The following PIK3C2B variants were observed in gnomAD, a reference collection of about 807,000 sequenced individuals.
PIK3C2B encodes the protein phosphatidylinositol 4-phosphate 3-kinase C2 domain-containing subunit beta.
PIK3C2B carries 83 observed loss-of-function variants against 184.3 expected under a neutral mutation model. The ratio of observed to expected loss-of-function variants is 0.45; its 90% confidence interval spans 0.38 to 0.54. The LOEUF is 0.54. PIK3C2B is among the 20% of genes least tolerant of loss of function. The probability of loss-of-function intolerance (pLI) is 0.00; values close to 1 mark genes in which losing one functional copy is unlikely to be tolerated. For synonymous variants in PIK3C2B, 779 were observed against 837.6 expected, an observed-to-expected ratio of 0.93 and a Z score of 1.21; for missense variants, 1,736 against 2,113.5, an observed-to-expected ratio of 0.82 and a Z score of 3.50.
At position 204,489,317 on chromosome 1, in the gene PIK3C2B, G is replaced by C. The variant is rs570598859; in HGVS notation, c.-85+5039C>G. Among the ~76,000 whole-genome samples, 9 of 152,000 alleles carry C rather than the reference G, an allele frequency of 5.9e-5. No homozygotes were observed. The South Asian group carries it at 1.9e-3, about 32-fold the overall frequency. On this transcript the variant is annotated intron_variant, in intron 1 of 32. Coordinates refer to ENST00000684373, the MANE Select transcript of PIK3C2B (RefSeq NM_001377334.1). Reference sequence around the variant, plus strand: ...TGAGTAGCTGAGACCACAAGTGTGCGCCATCACACCCTAATTGTTTTTATT... The same window carrying C: ...TGAGTAGCTGAGACCACAAGTGTGCCCCATCACACCCTAATTGTTTTTATT...
At chr1:204,448,962 C>T (rs180989148) in intron 14 of PIK3C2B, among the ~76,000 whole-genome samples, 65 of 152,296 alleles carry the variant, frequency 4.3e-4, no homozygotes, top group Non-Finnish European at 4.4e-4. Context: ...TCAGGCTCCA[C>T]GAAATCAATT....
At chr1:204,462,490 A>G (rs979969358) in intron 5 of PIK3C2B, among the ~76,000 whole-genome samples, 2 of 152,244 alleles carry the variant, frequency 1.3e-5, no homozygotes, top group Non-Finnish European at 2.9e-5. Flanking sequence ...TAATGGCGTC[A>G]GCAGGAGCTC....
chr1:204,444,340 C>A lies in PIK3C2B; in HGVS notation c.2763G>T (p.Gln921His), dbSNP rs762273921. The A allele has an allele frequency of 6.2e-7, 1 of 1,611,642 alleles. No homozygotes were observed. Among genetic ancestry groups the A allele is most frequent in the African/African-American group, 1.3e-5 (1 of 74,872 alleles). Reference sequence around the variant, plus strand: ...GGACCAATCCACCCACCTGTACCAGCTGGGGCAGGTAGTCTAGCAGCTCAG... The same window carrying A: ...GGACCAATCCACCCACCTGTACCAGATGGGGCAGGTAGTCTAGCAGCTCAG... ...SDAELLDYLP[Q>H]LVQALKYECY... The change falls in exon 17 of 33, where the codon CAG becomes CAT. Residue 921 changes from glutamine to histidine, a missense_variant. Physicochemically the swap from Gln to His is conservative, Grantham distance 24. Coordinates refer to ENST00000684373, the MANE Select transcript of PIK3C2B (RefSeq NM_001377334.1).
intron 1 of PIK3C2B, among the ~76,000 whole-genome samples, chr1:204,486,562 C>A (rs1657608925): frequency 1.3e-5 from 2 of 152,014 alleles, no homozygotes; most frequent in African/African-American, 2.4e-5. Context: ...GAAACCTCAT[C>A]TCTACAAAAA....
At chr1:204,437,657 G>A (rs915402551) in intron 23 of PIK3C2B, among the ~76,000 whole-genome samples, 2 of 152,242 alleles carry the variant, frequency 1.3e-5, no homozygotes, top group Non-Finnish European at 2.9e-5. Flanking sequence ...AGATAGCTGG[G>A]AAGAAGAATA....
At chr1:204,488,942 T>C (rs1657819286) in intron 1 of PIK3C2B, among the ~76,000 whole-genome samples, 1 of 152,232 alleles carries the variant, frequency 6.6e-6, no homozygotes, top group South Asian at 2.1e-4. Context: ...ACCCTTGTGA[T>C]CCTATTGTCT....
intron 10 of PIK3C2B, 149 bp downstream of exon 10, chr1:204,456,888 A>C (rs1654891497): frequency 2.0e-6 from 1 of 503,896 alleles, no homozygotes; most frequent in East Asian, 4.0e-5. Flanking sequence ...ACACACACAC[A>C]CACACACACA....
At chr1:204,460,753 A>G in intron 5 of PIK3C2B, 92 bp from the exon 6 acceptor site, 1 of 825,016 alleles carries the variant, frequency 1.2e-6, no homozygotes, top group South Asian at 1.4e-5. Flanking sequence ...ACATACAGAA[A>G]GAAGGTTTAG....
chr1:204,432,223 T>G lies in PIK3C2B; in HGVS notation c.4132A>C (p.Ile1378Leu). Residue 1378 changes from isoleucine (I) to leucine (L), a missense_variant, in exon 27 of 33, where the codon ATC becomes CTC. By Grantham distance (5) the Ile-to-Leu change is conservative (BLOSUM62 2). Transcript: ENST00000684373. ...ACATAGCCTTTGTTGGGGTGGAAGA[T>G]CTTCTCATGGCGGCAGAGGAAAACA... is the stretch of plus-strand genomic sequence containing the variant. ...SDVFLCRHEK[I>L]FHPNKGYIYV... 6.2e-7 allele frequency: 1 copy of G among 1,614,004 alleles called. No homozygotes were observed. Among genetic ancestry groups the G allele is most frequent in the Non-Finnish European group, 8.5e-7 (1 of 1,179,992 alleles).
intron 12 of PIK3C2B, among the ~76,000 whole-genome samples, chr1:204,451,118 T>C (rs757638246): frequency 2.0e-5 from 3 of 152,136 alleles, no homozygotes; most frequent in Non-Finnish European, 2.9e-5. Context: ...CAGCTATAAT[T>C]AGGGCCCCTC....
chr1:204,432,672 ACTCT>A (rs1193930327), intron 26 of PIK3C2B, among the ~76,000 whole-genome samples: 2 of 152,140 alleles, frequency 1.3e-5, no homozygotes, highest in African/African-American at 2.4e-5. Flanking sequence ...CTAGGAACTC[ACTCT>A]CTCTGTGTAA....
chr1:204,493,576 T>C (rs1259140347), intron 1 of PIK3C2B, among the ~76,000 whole-genome samples: 2 of 133,148 alleles, frequency 1.5e-5, no homozygotes, highest in Admixed American at 1.5e-4. Context: ...CCAACTAGGG[T>C]GTGTGCACTA....
chr1:204,440,276 G>A lies in PIK3C2B; in HGVS notation c.3295C>T (p.Arg1099Cys), dbSNP rs1168935653. 9.9e-6 allele frequency: 16 copies of A among 1,609,296 alleles called. No homozygotes were observed. Among genetic ancestry groups the A allele is most frequent in the African/African-American group, 1.3e-5 (1 of 74,472 alleles). The change falls in exon 22 of 33, where the codon CGC (arginine) becomes TGC (cysteine). Residue 1099 changes from arginine to cysteine, a missense_variant. Arg to Cys is a radical substitution (Grantham distance 180). Transcript: ENST00000684373. ...TGGACCCAGATCTTGCTCATGATGC[G>A]AATCATCTGCAGCGTTAGCATGTCC... ...RQDMLTLQMI[R>C]IMSKIWVQEG...
chr1:204,430,116 C>A (rs1471477714), intron 28 of PIK3C2B, 78 bp from the exon 29 acceptor site: 7 of 913,742 alleles, frequency 7.7e-6, no homozygotes, highest in South Asian at 1.4e-5. Context: ...GCTTTTTTCA[C>A]ATTTCATTTG....
chr1:204,424,558 TC>T lies in PIK3C2B; in HGVS notation c.*293del. ...ACTTCATACAGCCCACCCCACACAC[TC>T]CCCAAACCAAGCATTGCTCCCTTGA... On this transcript the variant is annotated 3_prime_UTR_variant, in exon 33 of 33. Coordinates refer to ENST00000684373, the MANE Select transcript of PIK3C2B (RefSeq NM_001377334.1). 2.7e-6 allele frequency: 1 copy of T among 367,586 alleles called. No individual in the cohort carries two copies. The highest frequency in any genetic ancestry group is 1.7e-5 in the South Asian group (1 of 57,156). The allele number at this position is 367,586 out of a possible 1,614,324, so 22.8% of individuals were successfully genotyped here.
intron 32 of PIK3C2B, 89 bp from the exon 33 acceptor site, chr1:204,425,129 T>C (rs1674678862): frequency 9.2e-7 from 1 of 1,084,516 alleles, no homozygotes; most frequent in Non-Finnish European, 1.4e-6. Context: ...GTAAAGTCTG[T>C]TGGGGGCTGA....
At chr1:204,470,133 T>C (rs1383114990) in intron 1 of PIK3C2B, among the ~76,000 whole-genome samples, 1 of 151,580 alleles carries the variant, frequency 6.6e-6, no homozygotes, top group Non-Finnish European at 1.5e-5. Flanking sequence ...TATACTCACC[T>C]CTGTCATTTG....
intron 12 of PIK3C2B, among the ~76,000 whole-genome samples, chr1:204,452,613 G>C (rs1159776061): frequency 6.9e-6 from 1 of 144,314 alleles, no homozygotes; most frequent in Non-Finnish European, 1.5e-5. Flanking sequence ...TGTCCTGGCA[G>C]TTGTTTGCTT....
chr1:204,461,214 C>T (rs1655311648), intron 5 of PIK3C2B, among the ~76,000 whole-genome samples: 1 of 152,260 alleles, frequency 6.6e-6, no homozygotes, highest in African/African-American at 2.4e-5. Flanking sequence ...TGCCTTCCAT[C>T]TGTTGGCCCT....
Sources: gnomAD v4.1 joint callset for allele counts (sites outside exome capture counted in the v4.1 genomes callset) on GRCh38, gnomAD v4.1.1 for gene constraint, MANE v1.5 for transcripts, NCBI Gene and HGNC (gene_info 2026-07-23, HGNC 2026-07-21) for gene names.